Variants in ALMS1 observed in about 807,000 individuals in gnomAD.
The protein encoded by ALMS1 is centrosome-associated protein ALMS1.
ALMS1 carries 271 observed loss-of-function variants against 352.2 expected under a neutral mutation model. The ratio of observed to expected loss-of-function variants is 0.77; its 90% CI spans 0.70 to 0.85. The LOEUF is 0.85. ALMS1 is among the 40% of genes least tolerant of loss of function. The probability of loss-of-function intolerance (pLI) is 0.00; values close to 1 mark genes in which losing one functional copy is unlikely to be tolerated. For missense variants in ALMS1, 5,445 were observed against 4,870.7 expected, an observed-to-expected ratio of 1.12 and a Z score of -3.51; for synonymous variants, 1,865 against 1,761.2, an observed-to-expected ratio of 1.06 and a Z score of -1.48.
At chr2:73,540,951 T>C (rs971632471) in intron 12 of ALMS1, among the ~76,000 whole-genome samples, 5 of 152,166 alleles carry the variant, frequency 3.3e-5, no homozygotes, top group Admixed American at 3.3e-4. Flanking sequence ...CTGTCAACAT[T>C]AGACAGATCA....
chr2:73,406,367 G>T (rs1172180248), intron 1 of ALMS1, among the ~76,000 whole-genome samples: 1 of 149,828 alleles, frequency 6.7e-6, no homozygotes, highest in Non-Finnish European at 1.5e-5. Context: ...CTTAGAGCCT[G>T]TGTGTGTCCT....
At chr2:73,592,599 A>T (rs1217618345) in intron 16 of ALMS1, among the ~76,000 whole-genome samples, 1 of 152,192 alleles carries the variant, frequency 6.6e-6, no homozygotes, top group African/African-American at 2.4e-5. Flanking sequence ...AGCATCTCCC[A>T]GCAGGCACCT....
intron 9 of ALMS1, among the ~76,000 whole-genome samples, chr2:73,483,051 G>A (rs1672748708): frequency 6.6e-6 from 1 of 151,694 alleles, no homozygotes; most frequent in South Asian, 2.1e-4. Context: ...TTTTTGAAGG[G>A]TTTTTTGTGT....
chr2:73,592,359 A>G (rs1275503759), intron 16 of ALMS1, among the ~76,000 whole-genome samples: 1 of 152,192 alleles, frequency 6.6e-6, no homozygotes, highest in East Asian at 1.9e-4. Flanking sequence ...TATTTTTTGG[A>G]CAGACACTTG....
chr2:73,607,300 A>G (rs553583676), intron 21 of ALMS1, among the ~76,000 whole-genome samples: 1 of 152,362 alleles, frequency 6.6e-6, no homozygotes, highest in East Asian at 1.9e-4. Flanking sequence ...TACTTGTAAC[A>G]TATACATTCC....
At chr2:73,507,839 C>T (rs1403388946) in intron 10 of ALMS1, among the ~76,000 whole-genome samples, 4 of 151,930 alleles carry the variant, frequency 2.6e-5, no homozygotes, top group Admixed American at 6.6e-5. Context: ...TGTTTGCCCT[C>T]GCTTCTCTAG....
At chr2:73,577,112 C>T (rs984054109) in intron 16 of ALMS1, among the ~76,000 whole-genome samples, 6 of 152,136 alleles carry the variant, frequency 3.9e-5, no homozygotes, top group Admixed American at 6.5e-5. Flanking sequence ...TCTATAGTTT[C>T]TTTGTGATAT....
intron 10 of ALMS1, among the ~76,000 whole-genome samples, chr2:73,512,230 G>A (rs1673467476): frequency 6.6e-6 from 1 of 151,966 alleles, no homozygotes; most frequent in Non-Finnish European, 1.5e-5. Context: ...GACTACAGGT[G>A]CGTACCACCA....
At chr2:73,475,032 A>G (rs775969600) in intron 9 of ALMS1, among the ~76,000 whole-genome samples, 21 of 151,834 alleles carry the variant, frequency 1.4e-4, no homozygotes, top group Admixed American at 1.2e-3. Context: ...TTTACTTAGC[A>G]TAGTGTTTTC....
At chr2:73,523,656 AC>A (rs1673729909) in intron 11 of ALMS1, among the ~76,000 whole-genome samples, 1 of 152,086 alleles carries the variant, frequency 6.6e-6, no homozygotes, top group African/African-American at 2.4e-5. Flanking sequence ...AATCCCAGCT[AC>A]TCGGGAGGCT....
intron 16 of ALMS1, among the ~76,000 whole-genome samples, chr2:73,576,752 C>T (rs1040542505): frequency 6.6e-6 from 1 of 151,838 alleles, no homozygotes; most frequent in African/African-American, 2.4e-5. Context: ...TCCCGAGTAG[C>T]TGGGATTACA....
intron 11 of ALMS1, 101 bp from the exon 12 acceptor site, chr2:73,534,723 A>G: frequency 7.5e-7 from 1 of 1,326,424 alleles, no homozygotes; most frequent in Non-Finnish European, 1.1e-6. Flanking sequence ...ATAAATTCCA[A>G]AAGTCATGAA....
intron 9 of ALMS1, among the ~76,000 whole-genome samples, chr2:73,485,963 G>A (rs1269320903): frequency 2.6e-5 from 4 of 151,986 alleles, no homozygotes; most frequent in East Asian, 2.0e-4. Context: ...ACTGACCTGC[G>A]CCCACTGTCT....
chr2:73,607,716 T>C (rs1675845052), intron 21 of ALMS1, among the ~76,000 whole-genome samples: 1 of 152,016 alleles, frequency 6.6e-6, no homozygotes, highest in Non-Finnish European at 1.5e-5. Context: ...TGATCTTGGC[T>C]CAGTGCAACC....
chr2:73,542,800 C>G (rs1159178160), intron 12 of ALMS1, among the ~76,000 whole-genome samples: 1 of 151,980 alleles, frequency 6.6e-6, no homozygotes, highest in Non-Finnish European at 1.5e-5. Context: ...AGGAATCCAA[C>G]TTACAAGGGA....
At chr2:73,521,008 G>A (rs1410222124) in intron 11 of ALMS1, among the ~76,000 whole-genome samples, 1 of 152,048 alleles carries the variant, frequency 6.6e-6, no homozygotes, top group African/African-American at 2.4e-5. Flanking sequence ...ACCTACACAC[G>A]TAGATGGAAT....
intron 12 of ALMS1, among the ~76,000 whole-genome samples, chr2:73,545,644 A>G (rs1200420464): frequency 1.3e-5 from 2 of 152,244 alleles, no homozygotes; most frequent in Non-Finnish European, 2.9e-5. Context: ...TTAAGATAGC[A>G]TAAACAGTTA....
chr2:73,550,978 G>A (rs1674419661), intron 13 of ALMS1, among the ~76,000 whole-genome samples: 1 of 151,904 alleles, frequency 6.6e-6, no homozygotes, highest in Non-Finnish European at 1.5e-5. Flanking sequence ...ACTAGCTGGG[G>A]CCAGAGGCAC....
chr2:73,573,497 A>T, intron 16 of ALMS1, 73 bp downstream of exon 16: 1 of 1,522,466 alleles, frequency 6.6e-7, no homozygotes, highest in Non-Finnish European at 9.0e-7. Flanking sequence ...CTTTGCACAC[A>T]GGTGAAAAAA....
Sources: gnomAD v4.1 joint callset for allele counts (sites outside exome capture counted in the v4.1 genomes callset) on GRCh38, gnomAD v4.1.1 for gene constraint, MANE v1.5 for transcripts, NCBI Gene and HGNC (gene_info 2026-07-23, HGNC 2026-07-21) for gene names.